The following TBC1D32 variants were observed in gnomAD, a reference collection of about 807,000 sequenced individuals.
The protein encoded by TBC1D32 is protein broad-minded.
In TBC1D32, 151 loss-of-function variants were observed where a neutral mutation model predicts 170.3. The observed-to-expected ratio is 0.89, with a 90% CI of 0.78 to 1.01. The LOEUF is 1.01. TBC1D32 is among the 50% of genes least tolerant of loss of function. The pLI, the probability that TBC1D32 is intolerant of heterozygous loss-of-function variation, is 0.00. For missense variants in TBC1D32, 1,464 were observed against 1,457.1 expected (o/e 1.00, Z -0.08); for synonymous variants, 498 against 488.0 (o/e 1.02, Z -0.27).
chr6:121,176,216 A>G (rs1030412160), intron 22 of TBC1D32, among the ~76,000 whole-genome samples: 11 of 152,154 alleles, frequency 7.2e-5, no homozygotes, highest in African/African-American at 2.7e-4. Context: ...CGTGGTCAGG[A>G]AAGAGCTCAC....
chr6:121,132,888 T>C (rs1231330526), intron 24 of TBC1D32, among the ~76,000 whole-genome samples: 1 of 151,966 alleles, frequency 6.6e-6, no homozygotes, highest in Non-Finnish European at 1.5e-5. Context: ...GCATATGTAT[T>C]CATATACACA....
At chr6:121,173,242 T>C (rs886413359) in intron 22 of TBC1D32, among the ~76,000 whole-genome samples, 2 of 152,170 alleles carry the variant, frequency 1.3e-5, no homozygotes, top group African/African-American at 4.8e-5. Flanking sequence ...GGATGCTTTT[T>C]GGCCTCCAAC....
intron 24 of TBC1D32, among the ~76,000 whole-genome samples, chr6:121,158,771 T>C (rs1785220363): frequency 6.6e-6 from 1 of 152,194 alleles, no homozygotes; most frequent in African/African-American, 2.4e-5. Flanking sequence ...GTGTTGTAAT[T>C]TGGGCTTCTA....
intron 12 of TBC1D32, among the ~76,000 whole-genome samples, chr6:121,290,200 G>A (rs922524008): frequency 6.6e-6 from 1 of 152,140 alleles, no homozygotes; most frequent in Admixed American, 6.5e-5. Flanking sequence ...ACTACCATCA[G>A]AGTCAATGGG....
intron 15 of TBC1D32, among the ~76,000 whole-genome samples, chr6:121,278,865 G>A (rs1226509819): frequency 2.0e-5 from 3 of 151,592 alleles, no homozygotes; most frequent in African/African-American, 4.8e-5. Context: ...CACAACTTTG[G>A]TTTGACTTAA....
At chr6:121,263,915 A>G (rs1420919550) in intron 15 of TBC1D32, among the ~76,000 whole-genome samples, 1 of 152,220 alleles carries the variant, frequency 6.6e-6, no homozygotes, top group African/African-American at 2.4e-5. Context: ...ATGTACCAAA[A>G]TCACTGGGAT....
chr6:121,160,551 A>G (rs946529330), intron 23 of TBC1D32, among the ~76,000 whole-genome samples: 1 of 151,258 alleles, frequency 6.6e-6, no homozygotes, highest in Non-Finnish European at 1.5e-5. Context: ...TGAGAAACCC[A>G]TACTTGAATA....
At chr6:121,115,145 CA>C in intron 27 of TBC1D32, 26 bp downstream of exon 27, 1 of 1,552,188 alleles carries the variant, frequency 6.4e-7, no homozygotes, top group Non-Finnish European at 8.7e-7. Context: ...TAGAAATGCA[CA>C]AGGGAGCTAT....
At chr6:121,267,865 C>T (rs777632009) in intron 15 of TBC1D32, among the ~76,000 whole-genome samples, 1 of 152,040 alleles carries the variant, frequency 6.6e-6, no homozygotes, top group Non-Finnish European at 1.5e-5. Context: ...CAGTAGGGGC[C>T]AATGGACACC....
At chr6:121,204,491 A>G (rs1462999582) in intron 22 of TBC1D32, among the ~76,000 whole-genome samples, 1 of 151,316 alleles carries the variant, frequency 6.6e-6, no homozygotes, top group Non-Finnish European at 1.5e-5. Flanking sequence ...AAAGGTAGTA[A>G]TTTACAGGAA....
rs142285986 is a variant in TBC1D32, at chr6:121,263,154, G to C, written c.1734-6869C>G. The stretch of plus-strand genomic sequence containing the variant: ...ACTGGAAAATTGGATAAAGAGTCAA[G>C]ACGAATCAGTGTGCTGTATTCAAGA... On this transcript the variant is annotated intron_variant, in intron 15 of 31. Coordinates refer to ENST00000398212, the MANE Select transcript of TBC1D32 (RefSeq NM_152730.6). Among the ~76,000 whole-genome samples, 865 of 151,894 alleles carry C rather than the reference G, an allele frequency of 5.7e-3. 9 individuals carry two copies. Among genetic ancestry groups the C allele is most frequent in the African/African-American group, 0.02 (822 of 41,450 alleles).
intron 30 of TBC1D32, among the ~76,000 whole-genome samples, chr6:121,098,112 G>A (rs1323482017): frequency 6.6e-6 from 1 of 151,666 alleles, no homozygotes; most frequent in Non-Finnish European, 1.5e-5. Flanking sequence ...GGGTTGATGG[G>A]TGCAACAAAC....
chr6:121,175,799 C>T (rs1034226082), intron 22 of TBC1D32, among the ~76,000 whole-genome samples: 1 of 152,048 alleles, frequency 6.6e-6, no homozygotes, highest in Non-Finnish European at 1.5e-5. Flanking sequence ...GGCAAAACTG[C>T]CAATTATTTT....
At chr6:121,085,999 A>G (rs1309428927) in intron 31 of TBC1D32, among the ~76,000 whole-genome samples, 1 of 151,978 alleles carries the variant, frequency 6.6e-6, no homozygotes, top group African/African-American at 2.4e-5. Flanking sequence ...GGAGCTGGAG[A>G]AAAATGGGAG....
chr6:121,275,908 T>C (rs982927036), intron 15 of TBC1D32, among the ~76,000 whole-genome samples: 1 of 152,142 alleles, frequency 6.6e-6, no homozygotes, highest in African/African-American at 2.4e-5. Flanking sequence ...GCAGATCGCT[T>C]GAGCTCAGGA....
intron 24 of TBC1D32, among the ~76,000 whole-genome samples, chr6:121,145,416 T>G (rs1043865699): frequency 6.6e-6 from 1 of 152,016 alleles, no homozygotes; most frequent in Non-Finnish European, 1.5e-5. Context: ...CTGAAAAATT[T>G]AAACTCATAG....
intron 22 of TBC1D32, among the ~76,000 whole-genome samples, chr6:121,178,948 G>T (rs1788148347): frequency 6.6e-6 from 1 of 152,156 alleles, no homozygotes. Flanking sequence ...CCAACATCTT[G>T]ATTTCAGCCT....
intron 15 of TBC1D32, among the ~76,000 whole-genome samples, chr6:121,271,400 G>T (rs1161551330): frequency 2.0e-5 from 3 of 152,180 alleles, no homozygotes; most frequent in Non-Finnish European, 2.9e-5. Flanking sequence ...AAGCTGATAA[G>T]CAACTTCAGC....
At chr6:121,191,376 A>C (rs1562841229) in intron 22 of TBC1D32, among the ~76,000 whole-genome samples, 1 of 152,138 alleles carries the variant, frequency 6.6e-6, no homozygotes, top group Non-Finnish European at 1.5e-5. Context: ...CAGTAACCAC[A>C]CCCTCAAATC....
Sources: allele counts gnomAD v4.1 joint callset (sites outside exome capture counted in the v4.1 genomes callset), GRCh38; gene constraint gnomAD v4.1.1; transcripts MANE v1.5; gene names NCBI Gene and HGNC (gene_info 2026-07-23, HGNC 2026-07-21).